GOLGA8R: variants seen among roughly 807,000 people sequenced by gnomAD.
The protein encoded by GOLGA8R is golgin subfamily A member 8R.
Under a neutral mutation model 21.4 loss-of-function variants are expected in GOLGA8R, and 6 were observed. The ratio of observed to expected loss-of-function variants is 0.28; its 90% CI spans 0.15 to 0.55. The LOEUF is 0.55. Among genes scored for constraint, GOLGA8R ranks in the 20% least tolerant of loss-of-function variants. The pLI is 0.94. For missense variants in GOLGA8R, 41 were observed against 139.9 expected (o/e 0.29, Z 3.57); for synonymous variants, 8 against 49.3 (o/e 0.16, Z 3.51).
rs1237858083 is a variant in GOLGA8R, at chr15:30,403,120, G to A, written c.*620C>T. The stretch of plus-strand genomic sequence containing the variant: ...TTTCCTCTTCTGTGAGATTTAAAAA[G>A]CTCCCCCAAAAGGTTATCACTCCCA... On this transcript the variant is annotated 3_prime_UTR_variant, in exon 19 of 19. Transcript: ENST00000327271. Among the ~76,000 whole-genome samples the A allele has an allele frequency of 8.3e-6, 1 of 120,704 alleles. No homozygotes were observed. Among genetic ancestry groups the A allele is most frequent in the African/African-American group, 3.2e-5 (1 of 31,088 alleles). 79.2% of individuals were successfully genotyped at this position (120,704 alleles called of 152,430 possible).
rs1228607497 is a variant in GOLGA8R at position 30,407,982 on chromosome 15, A to C, written c.797T>G (p.Leu266Ter). ...ACGCATATCCTGCTTCTCTTTCTTTAATGTGCAAATCTGCCCAAAGCACAG... is the reference window on the plus strand; with the variant it reads ...ACGCATATCCTGCTTCTCTTTCTTTCATGTGCAAATCTGCCCAAAGCACAG... Reference protein sequence around the residue: ...MSKMSQEICTLKKEKQDMRWV... With the variant: ...MSKMSQEICT Residue 266 changes from leucine to a stop codon, truncating the protein, a stop_gained, in exon 11 of 19, where the codon TTA becomes TGA. Transcript: ENST00000327271. LOFTEE classifies it high-confidence loss of function. The C allele has an allele frequency of 1.9e-6, 3 of 1,612,256 alleles. No individual in the cohort carries two copies. The South Asian group carries it at 3.3e-5, about 18-fold the overall frequency.
Position 30,409,622 on chromosome 15 carries a change from C to A in GOLGA8R, c.510G>T (p.Leu170=), listed in dbSNP as rs2059114540. The A allele has an allele frequency of 9.0e-6, 2 of 223,034 alleles. No homozygotes were observed. The highest frequency in any genetic ancestry group is 2.0e-4 in the East Asian group (2 of 10,182). 13.8% of individuals were successfully genotyped at this position (223,034 alleles called of 1,614,324 possible). Residue 170 remains leucine (L), a synonymous_variant, in exon 8 of 19, where the codon CTG becomes CTT. Transcript: ENST00000327271. ...EEESKDLAVR[L]QHSLQCKGEL... ...CTCCTTTACACTGCAATGAATGTTG[C>A]AGGCGGACAGCCAGGTCCTTGGACT...
At position 30,407,925 on chromosome 15, in the gene GOLGA8R, T is replaced by G. The variant is rs2059098612; in HGVS notation, c.854A>C (p.Lys285Thr). The G allele has an allele frequency of 6.2e-7, 1 of 1,610,524 alleles. No individual in the cohort carries two copies. Among genetic ancestry groups the G allele is most frequent in the African/African-American group, 1.3e-5 (1 of 74,694 alleles). Residue 285 changes from lysine to threonine, a missense_variant, in exon 11 of 19, where the codon AAA becomes ACA. Physicochemically the swap from Lys to Thr is moderately conservative, Grantham distance 78 (BLOSUM62 -1). This residue lies in a region of GOLGA8R where 38 missense variants were observed against 32.6 expected (regional missense o/e 1.17). Coordinates refer to ENST00000327271, the MANE Select transcript of GOLGA8R (RefSeq NM_001282484.1). ...CATCTTACCCGTCTGGTTTTTGAGT[T>G]TGGACAAGCTCCACTCCAGCTGCTC... ...WVEQLEWSLS[K>T]LKNQTAEPLP...
In GOLGA8R at chr15:30,400,833, G is replaced by A. The variant is rs1456932112; in HGVS notation, c.*2907C>T. On this transcript the variant is annotated 3_prime_UTR_variant, in exon 19 of 19. Coordinates refer to ENST00000327271, the MANE Select transcript of GOLGA8R (RefSeq NM_001282484.1). ...ATTATTTCAGAACATTAAGATAGCA[G>A]TTACATTTTTTAATAGTTATTTTAA... Among the ~76,000 whole-genome samples the A allele has an allele frequency of 3.1e-5, 2 of 65,252 alleles. No homozygotes were observed. Among genetic ancestry groups the A allele is most frequent in the Admixed American group, 3.4e-4 (2 of 5,944 alleles). 42.8% of individuals were successfully genotyped at this position (65,252 alleles called of 152,430 possible).
rs1374787686 is a variant in GOLGA8R at position 30,400,592 on chromosome 15, G to A, written c.*3148C>T. Reference sequence around the variant, plus strand: ...CTTAATAATTTATTACATTACAGTGGCATCACACCAGCAGTCAATAAGGCC... The same window carrying A: ...CTTAATAATTTATTACATTACAGTGACATCACACCAGCAGTCAATAAGGCC... On this transcript the variant is annotated 3_prime_UTR_variant, in exon 19 of 19. Transcript: ENST00000327271. 4.2e-5 allele frequency among the ~76,000 whole-genome samples: 1 copy of A among 23,828 alleles called. No individual in the cohort carries two copies. The highest frequency in any genetic ancestry group is 1.4e-4 in the African/African-American group (1 of 7,346). The allele number at this position is 23,828 out of a possible 152,430, so 15.6% of individuals were successfully genotyped here. A position where few individuals can be genotyped will look rare whatever the true frequency, so the allele number is the denominator to read the frequency against.
At position 30,403,157 on chromosome 15, in the gene GOLGA8R, C is replaced by G. The variant is rs2059057276; in HGVS notation, c.*583G>C. ...GGTTATCACTCCCATCACCAATACA[C>G]AGAAAATGGAGGAAAGGCTGTTTCC... On this transcript the variant is annotated 3_prime_UTR_variant, in exon 19 of 19. Transcript: ENST00000327271. Among the ~76,000 whole-genome samples the G allele has an allele frequency of 9.2e-6, 1 of 108,956 alleles. No individual in the cohort carries two copies. The highest frequency in any genetic ancestry group is 2.0e-5 in the Non-Finnish European group (1 of 50,900). The allele number at this position is 108,956 out of a possible 152,430, so 71.5% of individuals were successfully genotyped here. A position where few individuals can be genotyped will look rare whatever the true frequency, so the allele number is the denominator to read the frequency against.
intron 11 of GOLGA8R, among the ~76,000 whole-genome samples, 182 bp from the exon 12 acceptor site, chr15:30,407,713 C>A (rs1480833428): frequency 1.3e-5 from 2 of 152,256 alleles, no homozygotes; most frequent in Admixed American, 6.5e-5. Flanking sequence ...TGGCTGACAA[C>A]GGGCCCTCTT....
chr15:30,410,357 AT>A (rs1445473415), intron 4 of GOLGA8R, 90 bp from the exon 5 acceptor site: 1 of 627,852 alleles, frequency 1.6e-6, no homozygotes, highest in Non-Finnish European at 2.6e-6. Flanking sequence ...CCAGGAATGG[AT>A]TTTAAAGGCA....
Position 30,407,366 on chromosome 15 carries a change from TC to T in GOLGA8R, c.1036del (p.Glu346LysfsTer31), listed in dbSNP as rs2059087499. On this transcript the variant is annotated frameshift_variant, in exon 12 of 19. Transcript: ENST00000327271. LOFTEE classifies it high-confidence loss of function. The part of the protein sequence containing the change: ...RRQEERIREQ[E>X]ERLRKQEERL... Reference sequence around the variant, plus strand: ...CTCCTCCTGCTTCCGAAGCCTCTCTTCCTGTTCCCGAATCCTCTCTTCTTGT... The same window carrying T: ...CTCCTCCTGCTTCCGAAGCCTCTCTTCTGTTCCCGAATCCTCTCTTCTTGT... The T allele has an allele frequency of 1.1e-6, 1 of 902,040 alleles. No homozygotes were observed. The highest frequency in any genetic ancestry group is 1.6e-6 in the Non-Finnish European group (1 of 627,276). The allele number at this position is 902,040 out of a possible 1,614,324, so 55.9% of individuals were successfully genotyped here. A position where few individuals can be genotyped will look rare whatever the true frequency, so the allele number is the denominator to read the frequency against.
At position 30,400,868 on chromosome 15, in the gene GOLGA8R, TTAAAA is replaced by T. The variant is rs1239642131; in HGVS notation, c.*2867_*2871del. 1.1e-4 allele frequency among the ~76,000 whole-genome samples: 7 copies of T among 66,062 alleles called. 2 individuals carry two copies. Among genetic ancestry groups the T allele is most frequent in the African/African-American group, 2.9e-4 (7 of 23,778 alleles). 43.3% of individuals were successfully genotyped at this position (66,062 alleles called of 152,430 possible). ...TTAATAGTTATTTTAAAATGACTCT[TTAAAA>T]TAAAGTTTTAGAGAAACTATATTAT... On this transcript the variant is annotated 3_prime_UTR_variant, in exon 19 of 19. Transcript: ENST00000327271.
intron 17 of GOLGA8R, 44 bp downstream of exon 17, chr15:30,404,202 CCTCACA>C: frequency 3.4e-4 from 12 of 34,962 alleles, no homozygotes; most frequent in Admixed American, 1.5e-3. Flanking sequence ...CTGCGCCCAC[CCTCACA>C]CCCACCCCCA....
At chr15:30,408,044 A>T (rs2059101890) in intron 10 of GOLGA8R, 52 bp from the exon 11 acceptor site, 2 of 1,607,730 alleles carry the variant, frequency 1.2e-6, no homozygotes, top group Non-Finnish European at 1.7e-6. Context: ...TGGTGGCTGG[A>T]CAGGCTGCCC....
At position 30,403,044 on chromosome 15, in the gene GOLGA8R, G is replaced by A. The variant is rs202182577; in HGVS notation, c.*696C>T. Among the ~76,000 whole-genome samples, 75,374 of 125,300 alleles carry A rather than the reference G, an allele frequency of 0.6. 28,993 individuals are homozygous for A. The highest frequency in any genetic ancestry group is 0.98 in the East Asian group (4,460 of 4,530). 82.2% of individuals were successfully genotyped at this position (125,300 alleles called of 152,430 possible). On this transcript the variant is annotated 3_prime_UTR_variant, in exon 19 of 19. Coordinates refer to ENST00000327271, the MANE Select transcript of GOLGA8R (RefSeq NM_001282484.1). The stretch of plus-strand genomic sequence containing the variant: ...TAATACACTGCTAATTCCTGGCACC[G>A]GAACAGATGAAACACACTCTATCCT...
rs1326715800 is a variant in GOLGA8R at position 30,407,976 on chromosome 15, T to C, written c.803A>G (p.Lys268Arg). Residue 268 changes from lysine to arginine, a missense_variant, in exon 11 of 19, where the codon AAA becomes AGA. Physicochemically the swap from Lys to Arg is conservative, Grantham distance 26. Coordinates refer to ENST00000327271, the MANE Select transcript of GOLGA8R (RefSeq NM_001282484.1). ...KMSQEICTLKKEKQDMRWVEQ... is the reference protein window; with the variant it reads ...KMSQEICTLKREKQDMRWVEQ... ...TACCCAACGCATATCCTGCTTCTCT[T>C]TCTTTAATGTGCAAATCTGCCCAAA... 1 of 1,611,460 alleles carries C rather than the reference T, an allele frequency of 6.2e-7. No homozygotes were observed. The highest frequency in any genetic ancestry group is 2.2e-5 in the East Asian group (1 of 44,880).
chr15:30,407,974 C>T lies in GOLGA8R; in HGVS notation c.805G>A (p.Glu269Lys). The T allele has an allele frequency of 1.2e-6, 2 of 1,610,678 alleles. No individual in the cohort carries two copies. Among genetic ancestry groups the T allele is most frequent in the Non-Finnish European group, 1.7e-6 (2 of 1,177,276 alleles). The change falls in exon 11 of 19, where the codon GAG (glutamate) becomes AAG (lysine). Residue 269 changes from glutamate to lysine, a missense_variant. Physicochemically the swap from Glu to Lys is moderately conservative, Grantham distance 56. This residue lies in a region of GOLGA8R where 38 missense variants were observed against 32.6 expected (regional missense o/e 1.17). Transcript: ENST00000327271. The stretch of plus-strand genomic sequence containing the variant: ...TCTACCCAACGCATATCCTGCTTCT[C>T]TTTCTTTAATGTGCAAATCTGCCCA... ...MSQEICTLKK[E>K]KQDMRWVEQL... is the part of the protein sequence containing the mutation.
chr15:30,400,706 G>C lies in GOLGA8R; in HGVS notation c.*3034C>G, dbSNP rs1307659003. On this transcript the variant is annotated 3_prime_UTR_variant, in exon 19 of 19. Coordinates refer to ENST00000327271, the MANE Select transcript of GOLGA8R (RefSeq NM_001282484.1). ...GTAAAATTCATTCTAAGAAAACTTGGCAAATAAAACTTTGGACTGGAATTG... is the reference window on the plus strand; with the variant it reads ...GTAAAATTCATTCTAAGAAAACTTGCCAAATAAAACTTTGGACTGGAATTG... 3.9e-5 allele frequency among the ~76,000 whole-genome samples: 1 copy of C among 25,898 alleles called. No homozygotes were observed. Among genetic ancestry groups the C allele is most frequent in the Non-Finnish European group, 7.5e-5 (1 of 13,254 alleles). The allele number at this position is 25,898 out of a possible 152,430, so 17.0% of individuals were successfully genotyped here. A position where few individuals can be genotyped will look rare whatever the true frequency, so the allele number is the denominator to read the frequency against.
At position 30,402,748 on chromosome 15, in the gene GOLGA8R, TAAG is replaced by T. The variant is rs2059053259; in HGVS notation, c.*989_*991del. ...TTCTTATGATCTTCACTAAATACAT[TAAG>T]AAGAATGCCAACCAGTGCCCTTTTG... is the stretch of plus-strand genomic sequence containing the variant. On this transcript the variant is annotated 3_prime_UTR_variant, in exon 19 of 19. Coordinates refer to ENST00000327271, the MANE Select transcript of GOLGA8R (RefSeq NM_001282484.1). Among the ~76,000 whole-genome samples, 1 of 62,604 alleles carries T rather than the reference TAAG, an allele frequency of 1.6e-5. No homozygotes were observed. The highest frequency in any genetic ancestry group is 7.3e-5 in the African/African-American group (1 of 13,608). 41.1% of individuals were successfully genotyped at this position (62,604 alleles called of 152,430 possible). A position where few individuals can be genotyped will look rare whatever the true frequency, so the allele number is the denominator to read the frequency against.
At chr15:30,407,731 G>A (rs1180061806) in intron 11 of GOLGA8R, among the ~76,000 whole-genome samples, 177 bp downstream of exon 11, 251 of 151,654 alleles carry the variant, frequency 1.7e-3, no homozygotes, top group African/African-American at 5.8e-3. Flanking sequence ...CTTTGCTGAT[G>A]GGGACACTGA....
rs1211461226 is a variant in GOLGA8R at position 30,411,939 on chromosome 15, G to C, written c.168+390C>G. 21 of 171,352 alleles carry C rather than the reference G, an allele frequency of 1.2e-4. 1 individual carries two copies. Among genetic ancestry groups the C allele is most frequent in the African/African-American group, 7.3e-4 (21 of 28,902 alleles). The allele number at this position is 171,352 out of a possible 1,614,324, so 10.6% of individuals were successfully genotyped here. ...ACCCAGAATTCCTTTTTTTTTTTTT[G>C]AGACAGAGTCTTGCTCTGTCACCAG... On this transcript the variant is annotated intron_variant, in intron 2 of 18. Transcript: ENST00000327271.
Sources: gnomAD v4.1 joint callset for allele counts (sites outside exome capture counted in the v4.1 genomes callset) on GRCh38, gnomAD v4.1.1 for gene constraint, gnomAD v4.1.1 regional missense constraint, MANE v1.5 for transcripts, NCBI Gene and HGNC (gene_info 2026-07-23, HGNC 2026-07-21) for gene names.